MAP3K5: variants seen among roughly 807,000 people sequenced by gnomAD.
MAP3K5 encodes the protein ASK-1.
A neutral mutation model predicts 158.7 loss-of-function variants in MAP3K5; 56 were observed. That is an observed-to-expected ratio of 0.35 (90% CI 0.28 to 0.44). MAP3K5 has a LOEUF of 0.44. Ranked by LOEUF, MAP3K5 falls within the 20% of genes least tolerant of loss-of-function variation. MAP3K5 has a pLI of 1.00. For synonymous variants in MAP3K5, 579 were observed against 601.7 expected, an observed-to-expected ratio of 0.96 and a Z score of 0.55; for missense variants, 1,294 against 1,674.8, an observed-to-expected ratio of 0.77 and a Z score of 3.97.
chr6:136,557,141 G>A lies in MAP3K5; in HGVS notation c.*617C>T, dbSNP rs1206564454. Reference sequence around the variant, plus strand: ...TACTACAGTTCAAGCATGTGCAACTGGTACAGTTCAGTAGTACATAAACGA... The same window carrying A: ...TACTACAGTTCAAGCATGTGCAACTAGTACAGTTCAGTAGTACATAAACGA... On this transcript the variant is annotated 3_prime_UTR_variant, in exon 30 of 30. Coordinates refer to ENST00000359015, the MANE Select transcript of MAP3K5 (RefSeq NM_005923.4). 6.6e-6 allele frequency: 1 copy of A among 152,136 alleles called. No individual in the cohort carries two copies. The highest frequency in any genetic ancestry group is 1.5e-5 in the Non-Finnish European group (1 of 68,136). The allele number at this position is 152,136 out of a possible 1,614,324, so 9.4% of individuals were successfully genotyped here. A position where few individuals can be genotyped will look rare whatever the true frequency, so the allele number is the denominator to read the frequency against.
At chr6:136,585,517 T>TTTATTTA (rs1562524911) in intron 23 of MAP3K5, among the ~76,000 whole-genome samples, 2 of 99,446 alleles carry the variant, frequency 2.0e-5, no homozygotes, top group Non-Finnish European at 4.4e-5. Context: ...TTATTTATTT[T>TTTATTTA]TTGACAAAGT....
At chr6:136,558,372 C>T (rs1247490818) in intron 29 of MAP3K5, among the ~76,000 whole-genome samples, 1 of 150,084 alleles carries the variant, frequency 6.7e-6, no homozygotes, top group Non-Finnish European at 1.5e-5. Flanking sequence ...GAGTGAGACT[C>T]CATCCCGAAA....
intron 23 of MAP3K5, 128 bp from the exon 24 acceptor site, chr6:136,583,868 G>T: frequency 2.6e-6 from 2 of 779,374 alleles, no homozygotes; most frequent in Non-Finnish European, 2.0e-6. Flanking sequence ...TCACTATATT[G>T]CCCAGGCTGG....
In MAP3K5 at chr6:136,605,276, A is replaced by C; in HGVS notation, c.2612T>G (p.Ile871Ser). The change falls in exon 19 of 30, where the codon ATC (isoleucine) becomes AGC (serine). Residue 871 changes from isoleucine (I) to serine (S), a missense_variant. Coordinates refer to ENST00000359015, the MANE Select transcript of MAP3K5 (RefSeq NM_005923.4). ...GGGTTTTCCTGTGGCCATTTCAATG[A>C]TTGTACAGCCCAGAGACCAGATGTC... ...AADIWSLGCTIIEMATGKPPF... is the reference protein window; with the variant it reads ...AADIWSLGCTSIEMATGKPPF... 2 of 1,614,132 alleles carry C rather than the reference A, an allele frequency of 1.2e-6. No individual in the cohort carries two copies. The highest frequency in any genetic ancestry group is 1.7e-6 in the Non-Finnish European group (2 of 1,179,980).
chr6:136,641,995 TA>T (rs1777968311), intron 12 of MAP3K5, among the ~76,000 whole-genome samples: 1 of 104,944 alleles, frequency 9.5e-6, no homozygotes, highest in Non-Finnish European at 1.9e-5. Flanking sequence ...TCTCACAAAA[TA>T]AAATAAAATA....
chr6:136,731,297 A>T (rs1782213828), intron 1 of MAP3K5, among the ~76,000 whole-genome samples: 1 of 152,212 alleles, frequency 6.6e-6, no homozygotes, highest in Non-Finnish European at 1.5e-5. Flanking sequence ...TTCCTGTGCC[A>T]TTGTAACTAA....
chr6:136,566,141 G>A (rs765431205), intron 26 of MAP3K5, among the ~76,000 whole-genome samples: 1 of 152,120 alleles, frequency 6.6e-6, no homozygotes, highest in Admixed American at 6.5e-5. Flanking sequence ...AGACAGTGGC[G>A]CCAGGGTGGC....
At chr6:136,729,979 G>T (rs1191221180) in intron 1 of MAP3K5, among the ~76,000 whole-genome samples, 1 of 152,172 alleles carries the variant, frequency 6.6e-6, no homozygotes, top group Non-Finnish European at 1.5e-5. Context: ...GGGAGGTTTT[G>T]TGGTATTTTC....
In MAP3K5 at chr6:136,679,409, C is replaced by A. The variant is rs1047872522; in HGVS notation, c.1254-10014G>T. Reference sequence around the variant, plus strand: ...CAGTTGTGATTCTTTCTATGAGACACAAAGGTAATTTAATTAGAATTTCAT... The same window carrying A: ...CAGTTGTGATTCTTTCTATGAGACAAAAAGGTAATTTAATTAGAATTTCAT... On this transcript the variant is annotated intron_variant, in intron 7 of 29. Coordinates refer to ENST00000359015, the MANE Select transcript of MAP3K5 (RefSeq NM_005923.4). Among the ~76,000 whole-genome samples, 4 of 152,068 alleles carry A rather than the reference C, an allele frequency of 2.6e-5. No individual in the cohort carries two copies. In the East Asian group the frequency reaches 5.8e-4, roughly 22 times the overall value.
chr6:136,739,932 G>A (rs150074028), intron 1 of MAP3K5, among the ~76,000 whole-genome samples: 100 of 152,306 alleles, frequency 6.6e-4, no homozygotes, highest in Middle Eastern at 3.4e-3. Flanking sequence ...CATGGGCAGT[G>A]GCAGCAGGGG....
At chr6:136,605,124 T>TA (rs1188014832) in intron 19 of MAP3K5, 85 bp downstream of exon 19, 15 of 1,388,890 alleles carry the variant, frequency 1.1e-5, no homozygotes, top group Non-Finnish European at 1.5e-5. Flanking sequence ...ACCCTTTATC[T>TA]AAAAAAATAT....
intron 9 of MAP3K5, among the ~76,000 whole-genome samples, chr6:136,657,121 T>C (rs1778787394): frequency 6.6e-6 from 1 of 152,206 alleles, no homozygotes; most frequent in Non-Finnish European, 1.5e-5. Flanking sequence ...TTAATTATGC[T>C]TCTTTGAGGA....
intron 25 of MAP3K5, among the ~76,000 whole-genome samples, chr6:136,578,325 T>C (rs1774711887): frequency 6.6e-6 from 1 of 152,264 alleles, no homozygotes; most frequent in South Asian, 2.1e-4. Context: ...CCTAATTTGT[T>C]ATAATCAGGT....
At chr6:136,743,144 A>C (rs1782782514) in intron 1 of MAP3K5, among the ~76,000 whole-genome samples, 1 of 151,686 alleles carries the variant, frequency 6.6e-6, no homozygotes, top group Non-Finnish European at 1.5e-5. Context: ...TCATCAGGGA[A>C]TTGCAAATTA....
At chr6:136,715,401 C>T (rs1781476009) in intron 2 of MAP3K5, among the ~76,000 whole-genome samples, 1 of 152,046 alleles carries the variant, frequency 6.6e-6, no homozygotes, top group African/African-American at 2.4e-5. Flanking sequence ...ATAAAAAGTA[C>T]AAAAATTAGC....
rs1446151961 is a variant in MAP3K5 at position 136,791,874 on chromosome 6, T to G, written c.284A>C (p.Tyr95Ser). The change falls in exon 1 of 30, where the codon TAT (tyrosine) becomes TCT (serine). Residue 95 changes from tyrosine to serine, a missense_variant. Around this residue, in one of 5 missense-constraint regions of MAP3K5, gnomAD observed 690 missense variants for 870.5 expected, o/e 0.79. Coordinates refer to ENST00000359015, the MANE Select transcript of MAP3K5 (RefSeq NM_005923.4). ...CCCTTGGCTCGCTTCGTTGATCACA[T>G]ATGCCACCGTGGTCCGTCGGCTGCC... ...GGGSRRTTVA[Y>S]VINEASQGQL... 4 of 1,613,502 alleles carry G rather than the reference T, an allele frequency of 2.5e-6. No homozygotes were observed. The highest frequency in any genetic ancestry group is 3.4e-6 in the Non-Finnish European group (4 of 1,179,984).
chr6:136,583,543 TATC>T lies in MAP3K5; in HGVS notation c.3411+9_3411+11del. On this transcript the variant is annotated intron_variant, in intron 24 of 29. Coordinates refer to ENST00000359015, the MANE Select transcript of MAP3K5 (RefSeq NM_005923.4). ...AGTGTGTGGGAAAACACTGGCAAAA[TATC>T]ATACTTACAGCATCTTGAAAACCAA... 6.2e-7 allele frequency: 1 copy of T among 1,603,924 alleles called. No homozygotes were observed. The highest frequency in any genetic ancestry group is 1.3e-5 in the African/African-American group (1 of 74,606).
At chr6:136,622,768 AT>A in intron 15 of MAP3K5, 79 bp downstream of exon 15, 1 of 1,432,572 alleles carries the variant, frequency 7.0e-7, no homozygotes, top group Non-Finnish European at 9.7e-7. Context: ...ATTCATTAGA[AT>A]ATCATCAAGT....
At chr6:136,610,528 TC>T (rs1776284651) in intron 18 of MAP3K5, among the ~76,000 whole-genome samples, 1 of 148,876 alleles carries the variant, frequency 6.7e-6, no homozygotes, top group Non-Finnish European at 1.5e-5. Context: ...AGGGAATTCA[TC>T]GTCCAAATGG....
Sources: allele counts gnomAD v4.1 joint callset (sites outside exome capture counted in the v4.1 genomes callset), GRCh38; gene constraint gnomAD v4.1.1; regional missense constraint gnomAD v4.1.1; transcripts MANE v1.5; gene names NCBI Gene and HGNC (gene_info 2026-07-23, HGNC 2026-07-21).